Variants in CDH23 observed in about 807,000 individuals in gnomAD.
CDH23 encodes cadherin related 23, also known as cadherin-23.
Under a neutral mutation model 317.1 loss-of-function variants are expected in CDH23, and 189 were observed. The ratio of observed to expected loss-of-function variants is 0.60; its 90% CI spans 0.53 to 0.67. The LOEUF is 0.67. Among genes scored for constraint, CDH23 ranks in the 30% least tolerant of loss-of-function variants. The pLI is 0.00. For missense variants in CDH23, 4,401 were observed against 4,592.4 expected (o/e 0.96, Z 1.20); for synonymous variants, 1,839 against 1,876.8 (o/e 0.98, Z 0.52).
chr10:71,755,569 C>A (rs1840120074), intron 38 of CDH23: 1 of 1,091,168 alleles, frequency 9.2e-7, no homozygotes. Flanking sequence ...AGGAGACCCG[C>A]CTTTCCCCAG....
chr10:71,432,234 ATG>A (rs143529869), intron 1 of CDH23, among the ~76,000 whole-genome samples: 17,001 of 150,086 alleles, frequency 0.11, 2,327 homozygotes, highest in African/African-American at 0.32. Context: ...GTGTTTGAGA[ATG>A]TGTGTGTGTG....
rs1442180842 is a variant in CDH23, at chr10:71,793,356, C to A, written c.6428C>A (p.Thr2143Lys). ...GAGGAGCAGGAGTCCTACAGGCTAA[C>A]GGTGGTGGCCACCGACCGGGGCACC... Reference protein sequence around the residue: ...DREEQESYRLTVVATDRGTVP... With the variant: ...DREEQESYRLKVVATDRGTVP... The change falls in exon 48 of 70, where the codon ACG (threonine) becomes AAG (lysine). Residue 2143 changes from threonine to lysine, a missense_variant. Physicochemically the swap from Thr to Lys is moderately conservative, Grantham distance 78. Transcript: ENST00000224721. 1 of 1,613,988 alleles carries A rather than the reference C, an allele frequency of 6.2e-7. No homozygotes were observed. Among genetic ancestry groups the A allele is most frequent in the East Asian group, 2.2e-5 (1 of 44,884 alleles).
At chr10:71,438,347 C>CAAAAAAAAAAAAAA (rs10596696) in intron 1 of CDH23, among the ~76,000 whole-genome samples, 1 of 98,350 alleles carries the variant, frequency 1.0e-5, no homozygotes, top group African/African-American at 3.4e-5. Context: ...CTGTCTCAAA[C>CAAAAAAAAAAAAAA]AAAAAAAAAA....
chr10:71,779,833 G>A (rs932214531), intron 41 of CDH23, among the ~76,000 whole-genome samples: 9 of 152,236 alleles, frequency 5.9e-5, no homozygotes, highest in Admixed American at 4.6e-4. Context: ...CCAAGGGAGC[G>A]CCTGGCTTGC....
At chr10:71,775,834 G>T (rs1324566530) in intron 38 of CDH23, among the ~76,000 whole-genome samples, 1 of 152,200 alleles carries the variant, frequency 6.6e-6, no homozygotes, top group Non-Finnish European at 1.5e-5. Flanking sequence ...TGACTGTCAA[G>T]GAAAGCCACC....
Position 71,730,463 on chromosome 10 carries a change from C to G in CDH23, c.3580-6C>G, listed in dbSNP as rs1322223902. 2 of 1,613,462 alleles carry G rather than the reference C, an allele frequency of 1.2e-6. No homozygotes were observed. The highest frequency in any genetic ancestry group is 3.3e-5 in the Admixed American group (2 of 60,008). On this transcript the variant is annotated splice_region_variant and splice_polypyrimidine_tract_variant and intron_variant, in intron 30 of 69. Transcript: ENST00000224721. ...TGACCTTGCACCCCTGGCCCGGCTCCCACAGGTGATTGTGTACGTGGAGGA... is the reference window on the plus strand; with the variant it reads ...TGACCTTGCACCCCTGGCCCGGCTCGCACAGGTGATTGTGTACGTGGAGGA...
intron 38 of CDH23, chr10:71,748,978 G>C (rs77870539): frequency 0.016 from 2,377 of 152,810 alleles, 54 homozygotes; most frequent in African/African-American, 0.055. Flanking sequence ...GTCCAGAGAA[G>C]AGAGGGCAGG....
At chr10:71,766,016 G>A (rs1485223431) in intron 38 of CDH23, among the ~76,000 whole-genome samples, 5 of 152,196 alleles carry the variant, frequency 3.3e-5, no homozygotes. Flanking sequence ...ACACTCGAAG[G>A]CATGGCATGG....
intron 3 of CDH23, among the ~76,000 whole-genome samples, chr10:71,484,007 G>A (rs761079977): frequency 3.3e-5 from 5 of 152,176 alleles, no homozygotes; most frequent in Admixed American, 6.5e-5. Context: ...GCGCACCTGT[G>A]GAAATCATGG....
At chr10:71,746,827 G>T (rs1839862743) in intron 38 of CDH23, among the ~76,000 whole-genome samples, 1 of 152,182 alleles carries the variant, frequency 6.6e-6, no homozygotes, top group East Asian at 1.9e-4. Flanking sequence ...TATCCAGGCA[G>T]AAGGACAGAA....
chr10:71,702,465 C>G (rs546300313), intron 23 of CDH23, 84 bp from the exon 24 acceptor site: 3 of 1,557,254 alleles, frequency 1.9e-6, no homozygotes, highest in Non-Finnish European at 2.6e-6. Context: ...CTGCCACCCT[C>G]TCACCACTTG....
rs546147391 is a variant in CDH23, at chr10:71,676,494, G to A, written c.1515-962G>A. Among the ~76,000 whole-genome samples the A allele has an allele frequency of 2.4e-3, 360 of 152,222 alleles. 5 individuals carry two copies. The highest frequency in any genetic ancestry group is 0.02 in the Admixed American group (313 of 15,294). ...ATACAAAAATTAGCCGGGCGTGGTG[G>A]CAGGCGCCTGTAGTCCCAGCTACTT... On this transcript the variant is annotated intron_variant, in intron 15 of 69. Coordinates refer to ENST00000224721, the MANE Select transcript of CDH23 (RefSeq NM_022124.6).
intron 3 of CDH23, among the ~76,000 whole-genome samples, chr10:71,482,106 G>A (rs183216478): frequency 1.3e-5 from 2 of 152,202 alleles, no homozygotes; most frequent in Non-Finnish European, 2.9e-5. Context: ...TCTGTGATTC[G>A]CCATCCCCAT....
chr10:71,795,830 GGC>G (rs1841386552), intron 48 of CDH23: 1 of 987,250 alleles, frequency 1.0e-6, no homozygotes, highest in East Asian at 1.1e-4. Flanking sequence ...ATGGCTGGCA[GGC>G]CCACAGGTTT....
rs876657758 is a variant in CDH23 at position 71,807,527 on chromosome 10, GAGA to G, written c.8325_8327del (p.Lys2775del). The G allele has an allele frequency of 3.3e-5, 53 of 1,613,730 alleles. No individual in the cohort carries two copies. The highest frequency in any genetic ancestry group is 6.7e-5 in the African/African-American group (5 of 74,932). On this transcript the variant is annotated inframe_deletion, in exon 59 of 70. Transcript: ENST00000224721. Reference sequence around the variant, plus strand: ...GATCCCACCCTCAGCCGGCAACGAAGAGAAGAACTTCCATCTGCAGCCCGATGG... The same window carrying G: ...GATCCCACCCTCAGCCGGCAACGAAGAGAACTTCCATCTGCAGCCCGATGG...
intron 68 of CDH23, 134 bp downstream of exon 68, chr10:71,813,024 T>TG (rs1841995164): frequency 1.4e-6 from 2 of 1,423,158 alleles, no homozygotes; most frequent in Non-Finnish European, 1.9e-6. Flanking sequence ...CCAGGGCTGA[T>TG]GGGGGGCTAC....
intron 16 of CDH23, among the ~76,000 whole-genome samples, chr10:71,679,116 G>A (rs771311379): frequency 5.9e-5 from 9 of 152,126 alleles, no homozygotes; most frequent in Admixed American, 4.6e-4. Context: ...TTATTCCTGC[G>A]CCTCCCACCT....
At chr10:71,573,951 C>T (rs1232313347) in intron 8 of CDH23, among the ~76,000 whole-genome samples, 1 of 152,224 alleles carries the variant, frequency 6.6e-6, no homozygotes, top group Non-Finnish European at 1.5e-5. Context: ...CTTGCACTGC[C>T]AGCCTGATCC....
chr10:71,670,233 G>A (rs1301316859), intron 14 of CDH23, among the ~76,000 whole-genome samples: 1 of 152,214 alleles, frequency 6.6e-6, no homozygotes, highest in African/African-American at 2.4e-5. Context: ...GTCGCTGCTT[G>A]CTGCCCACCA....
Sources: gnomAD v4.1 joint callset for allele counts (sites outside exome capture counted in the v4.1 genomes callset) on GRCh38, gnomAD v4.1.1 for gene constraint, MANE v1.5 for transcripts, NCBI Gene and HGNC (gene_info 2026-07-23, HGNC 2026-07-21) for gene names.